The following TRIM4 variants were observed in gnomAD, a reference collection of about 807,000 sequenced individuals.
TRIM4 encodes the protein tripartite motif containing 4, also known as E3 ubiquitin-protein ligase TRIM4.
Under a neutral mutation model 33.7 loss-of-function variants are expected in TRIM4, and 29 were observed. The ratio of observed to expected loss-of-function variants is 0.86; its 90% CI spans 0.64 to 1.17. The LOEUF (loss-of-function observed/expected upper bound fraction) is 1.17. TRIM4 is among the 50% of genes most tolerant of loss of function. The probability of loss-of-function intolerance (pLI) is 0.00; values close to 1 mark genes in which losing one functional copy is unlikely to be tolerated. For missense variants in TRIM4, 554 were observed against 593.7 expected, an observed-to-expected ratio of 0.93 and a Z score of 0.69; for synonymous variants, 224 against 233.0, an observed-to-expected ratio of 0.96 and a Z score of 0.35.
At chr7:99,893,376 A>C (rs1239334594) in intron 5 of TRIM4, among the ~76,000 whole-genome samples, 2 of 151,406 alleles carry the variant, frequency 1.3e-5, no homozygotes, top group African/African-American at 4.9e-5. Context: ...CTCACGTTGA[A>C]TCAAAACTAG....
In TRIM4 at chr7:99,908,778, G is replaced by A. The variant is rs147278816; in HGVS notation, c.524C>T (p.Thr175Met). Residue 175 changes from threonine to methionine, a missense_variant, in exon 3 of 6, where the codon ACG becomes ATG. This residue lies in a region of TRIM4 where 31 missense variants were observed against 54.8 expected (regional missense o/e 0.57). Transcript: ENST00000349062. ...KIKSQRMRIS[T>M]EFSKLHNFLV... ...GAAGTTGTGCAGCTTTGAAAACTCC[G>A]TGCTGATTCTCATTCGCTGACTCTT... 453 of 1,614,072 alleles carry A rather than the reference G, an allele frequency of 2.8e-4. No individual in the cohort carries two copies. The highest frequency in any genetic ancestry group is 3.6e-4 in the Non-Finnish European group (421 of 1,180,012).
Position 99,892,732 on chromosome 7 carries a change from C to G in TRIM4, c.856G>C (p.Ala286Pro), listed in dbSNP as rs1818923038. The G allele has an allele frequency of 1.2e-6, 2 of 1,612,444 alleles. No individual in the cohort carries two copies. The highest frequency in any genetic ancestry group is 1.7e-5 in the Admixed American group (1 of 59,990). Residue 286 changes from alanine to proline, a missense_variant, in exon 6 of 6, where the codon GCT becomes CCT. Physicochemically the swap from Ala to Pro is conservative, Grantham distance 27 (BLOSUM62 -1). Transcript: ENST00000349062. ...LKRFQVAVNL[A>P]EDTAHPKLVF... ...AGTTTGGGATGAGCTGTGTCTTCAG[C>G]TAGGTTTACAGCCACTGTGGAGAAA...
intron 1 of TRIM4, among the ~76,000 whole-genome samples, chr7:99,914,932 C>T (rs1819521107): frequency 6.6e-6 from 1 of 152,060 alleles, no homozygotes; most frequent in African/African-American, 2.4e-5. Context: ...GCCTCAGCCT[C>T]CCAACTAGCT....
intron 5 of TRIM4, chr7:99,901,714 T>G (rs936022972): frequency 2.4e-5 from 4 of 167,204 alleles, no homozygotes; most frequent in African/African-American, 9.5e-5. Flanking sequence ...TGATAGGAAC[T>G]GGCACTGTTC....
At chr7:99,916,991 C>T (rs1223943493) in intron 1 of TRIM4, among the ~76,000 whole-genome samples, 1 of 152,240 alleles carries the variant, frequency 6.6e-6, no homozygotes, top group Non-Finnish European at 1.5e-5. Context: ...CTCTCACACA[C>T]CACATGCTAT....
At chr7:99,916,762 G>C (rs1309666264) in intron 1 of TRIM4, 4 of 780,862 alleles carry the variant, frequency 5.1e-6, no homozygotes, top group Non-Finnish European at 9.6e-6. Flanking sequence ...CATCCACGTG[G>C]ATGTCAAAGT....
Position 99,892,291 on chromosome 7 carries a change from A to G in TRIM4, c.1297T>C (p.Phe433Leu), listed in dbSNP as rs1432445159. Residue 433 changes from phenylalanine to leucine, a missense_variant, in exon 6 of 6, where the codon TTC (phenylalanine) becomes CTC (leucine). Physicochemically the swap from Phe to Leu is conservative, Grantham distance 22. Coordinates refer to ENST00000349062, the MANE Select transcript of TRIM4 (RefSeq NM_033091.3). ...TGCACTCCGTCCACAGCGCTGTAGA[A>G]GGAGACATTCCCAGTCCCACGATCC... ...YLDRGTGNVS[F>L]YSAVDGVHLH... 1.9e-5 allele frequency: 30 copies of G among 1,614,222 alleles called. No homozygotes were observed. Among genetic ancestry groups the G allele is most frequent in the Non-Finnish European group, 2.5e-5 (29 of 1,180,040 alleles).
At chr7:99,902,248 T>C in intron 5 of TRIM4, 3 of 721,608 alleles carry the variant, frequency 4.2e-6, no homozygotes, top group South Asian at 1.4e-5. Context: ...TGGTTCTTTT[T>C]AGTTTGTTTG....
At chr7:99,894,911 T>G (rs1433148940) in intron 5 of TRIM4, among the ~76,000 whole-genome samples, 1 of 152,224 alleles carries the variant, frequency 6.6e-6, no homozygotes, top group African/African-American at 2.4e-5. Context: ...GAATCTGTAA[T>G]GATGTCACCT....
At chr7:99,899,598 T>C (rs1248331893) in intron 5 of TRIM4, among the ~76,000 whole-genome samples, 1 of 152,186 alleles carries the variant, frequency 6.6e-6, no homozygotes, top group African/African-American at 2.4e-5. Context: ...CTTTCATCTC[T>C]CCTCTCCCAA....
intron 3 of TRIM4, 198 bp downstream of exon 3, chr7:99,908,384 G>A (rs774787376): frequency 5.5e-6 from 3 of 543,842 alleles, no homozygotes; most frequent in Non-Finnish European, 9.8e-6. Context: ...CCTATGAGCT[G>A]AGCTCAGCAT....
intron 1 of TRIM4, chr7:99,917,792 G>A: frequency 2.0e-6 from 2 of 983,012 alleles, no homozygotes; most frequent in Non-Finnish European, 2.4e-6. Context: ...TTCTGCTGGA[G>A]ACCACTGGAG....
intron 5 of TRIM4, chr7:99,901,818 T>C (rs1260335194): frequency 2.4e-6 from 1 of 409,414 alleles, no homozygotes; most frequent in Non-Finnish European, 4.4e-6. Flanking sequence ...CATGTGCTGA[T>C]CAGAACTCTG....
chr7:99,915,742 T>C lies in TRIM4; in HGVS notation c.393+3267A>G, dbSNP rs151192287. 1.4e-4 allele frequency among the ~76,000 whole-genome samples: 21 copies of C among 152,334 alleles called. No homozygotes were observed. The East Asian group carries it at 2.5e-3, about 18-fold the overall frequency. On this transcript the variant is annotated intron_variant, in intron 1 of 5. Coordinates refer to ENST00000349062, the MANE Select transcript of TRIM4 (RefSeq NM_033091.3). ...GAATTCCGCCCAGTGACCTGGCTCC[T>C]GAACACCTACGAAGTCAACCTTGTG... is the stretch of plus-strand genomic sequence containing the variant.
chr7:99,909,723 C>CTTTTTTTTT, intron 1 of TRIM4, 63 bp from the exon 2 acceptor site: 1 of 692,488 alleles, frequency 1.4e-6, no homozygotes, highest in Non-Finnish European at 2.1e-6. Flanking sequence ...CTTCTTTTTT[C>CTTTTTTTTT]TTTTTGTTTT....
chr7:99,912,552 T>C (rs1302595155), intron 1 of TRIM4, among the ~76,000 whole-genome samples: 1 of 148,696 alleles, frequency 6.7e-6, no homozygotes, highest in Non-Finnish European at 1.5e-5. Flanking sequence ...AATAATACCA[T>C]AAACAAATGT....
chr7:99,902,650 T>G (rs892860982), intron 5 of TRIM4, among the ~76,000 whole-genome samples: 20 of 152,014 alleles, frequency 1.3e-4, no homozygotes, highest in African/African-American at 4.3e-4. Flanking sequence ...ATGAGTTTAT[T>G]TTCAGTCTGT....
At chr7:99,911,802 G>GA (rs1357922835) in intron 1 of TRIM4, among the ~76,000 whole-genome samples, 2 of 152,142 alleles carry the variant, frequency 1.3e-5, no homozygotes, top group Non-Finnish European at 2.9e-5. Context: ...CTGGAAAAAT[G>GA]AAAACATGTA....
rs750975177 is a variant in TRIM4 at position 99,892,529 on chromosome 7, T to C, written c.1059A>G (p.Lys353=). The change falls in exon 6 of 6, where the codon AAA becomes AAG. Residue 353 remains lysine, a synonymous_variant. Transcript: ENST00000349062. The part of the protein sequence containing the change: ...VLGKNVFTSG[K]HYWEVESRDS... Reference sequence around the variant, plus strand: ...CTCTACTCTCAACTTCCCAGTAATGTTTCCCTGAGGTGAAAACGTTTTTTC... The same window carrying C: ...CTCTACTCTCAACTTCCCAGTAATGCTTCCCTGAGGTGAAAACGTTTTTTC... 4.3e-6 allele frequency: 7 copies of C among 1,614,214 alleles called. No homozygotes were observed. Among genetic ancestry groups the C allele is most frequent in the Non-Finnish European group, 5.9e-6 (7 of 1,180,042 alleles).
Sources: gnomAD v4.1 joint callset for allele counts (sites outside exome capture counted in the v4.1 genomes callset) on GRCh38, gnomAD v4.1.1 for gene constraint, gnomAD v4.1.1 regional missense constraint, MANE v1.5 for transcripts, NCBI Gene and HGNC (gene_info 2026-07-23, HGNC 2026-07-21) for gene names.